CHIC2: variants seen among roughly 807,000 people sequenced by gnomAD.
CHIC2 encodes the protein cysteine-rich hydrophobic domain-containing protein 2.
CHIC2 carries 14 observed loss-of-function variants against 25.9 expected under a neutral mutation model. That is an observed-to-expected ratio of 0.54 (90% CI 0.36 to 0.85). The LOEUF is 0.85. Among genes scored for constraint, CHIC2 ranks in the 40% least tolerant of loss-of-function variants. The pLI is 0.01. For missense variants in CHIC2, 146 were observed against 202.0 expected (o/e 0.72, Z 1.68); for synonymous variants, 70 against 72.0 (o/e 0.97, Z 0.14).
At chr4:54,041,353 A>G (rs1282011996) in intron 3 of CHIC2, among the ~76,000 whole-genome samples, 3 of 151,978 alleles carry the variant, frequency 2.0e-5, no homozygotes, top group Non-Finnish European at 4.4e-5. Flanking sequence ...AATTTTTTAT[A>G]CTCATGCCTC....
At chr4:54,046,139 G>T (rs13133426) in intron 3 of CHIC2, among the ~76,000 whole-genome samples, 54,047 of 150,124 alleles carry the variant, frequency 0.36, 9,924 homozygotes, top group African/African-American at 0.45. Context: ...CACTGCTCAA[G>T]GAAATAAAAA....
rs147744897 is a variant in CHIC2 at position 54,012,732 on chromosome 4, T to C, written c.447+1105A>G. On this transcript the variant is annotated intron_variant, in intron 5 of 5. Transcript: ENST00000263921. ...ATTATAAAGAAGTATCAAGTGTCTTTCTCATCATCATACATTAACATGTTT... is the reference window on the plus strand; with the variant it reads ...ATTATAAAGAAGTATCAAGTGTCTTCCTCATCATCATACATTAACATGTTT... Among the ~76,000 whole-genome samples, 450 of 152,228 alleles carry C rather than the reference T, an allele frequency of 3.0e-3. 2 individuals are homozygous for C. The highest frequency in any genetic ancestry group is 0.01 in the African/African-American group (425 of 41,558).
chr4:54,066,292 G>A (rs1717517755), upstream of CHIC2, among the ~76,000 whole-genome samples: 1 of 152,204 alleles, frequency 6.6e-6, no homozygotes, highest in Admixed American at 6.5e-5. Context: ...CTTAAGATCG[G>A]TGAAGTGCCT....
intron 1 of CHIC2, among the ~76,000 whole-genome samples, 200 bp from the exon 2 acceptor site, chr4:54,049,505 C>T (rs948444179): frequency 1.3e-5 from 2 of 152,048 alleles, no homozygotes; most frequent in South Asian, 2.1e-4. Context: ...TAAATGGAAA[C>T]TTTTGCATAA....
chr4:54,042,414 AT>A (rs1444666638), intron 3 of CHIC2, among the ~76,000 whole-genome samples: 1 of 152,230 alleles, frequency 6.6e-6, no homozygotes. Context: ...TCAAGTTGAT[AT>A]GAATGCAAAG....
intron 3 of CHIC2, among the ~76,000 whole-genome samples, chr4:54,016,457 TTC>T (rs1715742859): frequency 6.6e-6 from 1 of 152,162 alleles, no homozygotes; most frequent in South Asian, 2.1e-4. Context: ...TCTGAATTTC[TTC>T]TCTGTTTATA....
intron 3 of CHIC2, among the ~76,000 whole-genome samples, chr4:54,030,637 T>C (rs138001079): frequency 4.4e-4 from 65 of 147,670 alleles, no homozygotes; most frequent in African/African-American, 1.6e-3. Flanking sequence ...TACACACATA[T>C]ATATATGTTT....
the CHIC2 span, chr4:54,086,972 CAGA>C: frequency 2.5e-5 from 19 of 769,726 alleles, no homozygotes; most frequent in South Asian, 1.4e-5. Flanking sequence ...CAACAATCTG[CAGA>C]AGAAGACAAC....
In CHIC2 at chr4:54,049,963, T is replaced by G. The variant is rs147478278; in HGVS notation, c.120-658A>C. ...CTTGAATCATGGTTAAAATATTCCATGGCTTTAGAATTGATAAAAGATTTA... is the reference window on the plus strand; with the variant it reads ...CTTGAATCATGGTTAAAATATTCCAGGGCTTTAGAATTGATAAAAGATTTA... On this transcript the variant is annotated intron_variant, in intron 1 of 5. Coordinates refer to ENST00000263921, the MANE Select transcript of CHIC2 (RefSeq NM_012110.4). Among the ~76,000 whole-genome samples the G allele has an allele frequency of 3.9e-3, 597 of 152,286 alleles. 2 individuals are homozygous for G. Among genetic ancestry groups the G allele is most frequent in the Non-Finnish European group, 6.4e-3 (437 of 67,994 alleles).
At chr4:54,047,886 TATC>T (rs973007931) in intron 3 of CHIC2, among the ~76,000 whole-genome samples, 16 of 152,012 alleles carry the variant, frequency 1.1e-4, no homozygotes, top group African/African-American at 3.9e-4. Context: ...TTTTTTAAAG[TATC>T]ATTTTTATAC....
At chr4:54,025,171 T>A (rs781339731) in intron 3 of CHIC2, among the ~76,000 whole-genome samples, 3 of 152,158 alleles carry the variant, frequency 2.0e-5, no homozygotes, top group Non-Finnish European at 2.9e-5. Context: ...CCTGCACATA[T>A]ACATCCAGAT....
the CHIC2 span, among the ~76,000 whole-genome samples, chr4:54,091,065 A>G: frequency 2.1e-4 from 32 of 152,134 alleles, no homozygotes; most frequent in Admixed American, 2.6e-4. Flanking sequence ...CTCCCTGAGT[A>G]CATGAACATA....
chr4:54,039,881 T>C (rs1418754519), intron 3 of CHIC2, among the ~76,000 whole-genome samples: 2 of 152,010 alleles, frequency 1.3e-5, no homozygotes, highest in Non-Finnish European at 2.9e-5. Context: ...TATTAATACA[T>C]AAAAGAAAAT....
intron 3 of CHIC2, among the ~76,000 whole-genome samples, chr4:54,017,476 G>A (rs936657504): frequency 6.6e-6 from 1 of 152,150 alleles, no homozygotes; most frequent in African/African-American, 2.4e-5. Flanking sequence ...TTAGCTGAAA[G>A]AACAGGGGAA....
the CHIC2 span, chr4:54,087,429 G>T: frequency 3.3e-6 from 2 of 605,476 alleles, no homozygotes; most frequent in Non-Finnish European, 5.5e-6. Flanking sequence ...ACATCGCAGG[G>T]AAACGTCGAT....
intron 3 of CHIC2, among the ~76,000 whole-genome samples, chr4:54,038,793 G>T (rs998799843): frequency 2.6e-5 from 4 of 152,068 alleles, no homozygotes; most frequent in African/African-American, 7.2e-5. Context: ...AGGCCGAGAT[G>T]AGAGAATCGC....
At chr4:54,072,171 T>C in the CHIC2 span, among the ~76,000 whole-genome samples, 1 of 151,828 alleles carries the variant, frequency 6.6e-6, no homozygotes, top group African/African-American at 2.4e-5. Context: ...CGCGTGGTGG[T>C]GAGCACCTAT....
intron 1 of CHIC2, among the ~76,000 whole-genome samples, chr4:54,055,572 T>C (rs1717149825): frequency 6.6e-6 from 1 of 152,182 alleles, no homozygotes; most frequent in Non-Finnish European, 1.5e-5. Context: ...TACAAATCTA[T>C]AGATACAGAG....
At chr4:54,091,748 T>C in the CHIC2 span, among the ~76,000 whole-genome samples, 1 of 152,220 alleles carries the variant, frequency 6.6e-6, no homozygotes, top group Non-Finnish European at 1.5e-5. Flanking sequence ...TAATTCACTT[T>C]TCACCTCTTC....
Sources: allele counts gnomAD v4.1 joint callset (sites outside exome capture counted in the v4.1 genomes callset), GRCh38; gene constraint gnomAD v4.1.1; transcripts MANE v1.5; gene names NCBI Gene and HGNC (gene_info 2026-07-23, HGNC 2026-07-21).